The following RIMKLB variants were observed in gnomAD, a reference collection of about 807,000 sequenced individuals.
RIMKLB encodes the protein ribosomal modification protein rimK like family member B.
Under a neutral mutation model 32.0 loss-of-function variants are expected in RIMKLB, and 7 were observed. The observed-to-expected ratio is 0.22, with a 90% CI of 0.12 to 0.41. The LOEUF (loss-of-function observed/expected upper bound fraction) is 0.41. Ranked by LOEUF, RIMKLB falls within the 10% of genes least tolerant of loss-of-function variation. The pLI is 1.00. For missense variants in RIMKLB, 289 were observed against 498.7 expected, an observed-to-expected ratio of 0.58 and a Z score of 4.00; for synonymous variants, 172 against 185.1, an observed-to-expected ratio of 0.93 and a Z score of 0.57.
upstream of RIMKLB, among the ~76,000 whole-genome samples, chr12:8,694,712 G>A (rs1370106861): frequency 6.6e-6 from 1 of 152,176 alleles, no homozygotes; most frequent in African/African-American, 2.4e-5. Context: ...TGATTCTCAT[G>A]TGTCTAGGAA....
chr12:8,745,313 T>C (rs1403183928), intron 2 of RIMKLB, among the ~76,000 whole-genome samples: 1 of 151,736 alleles, frequency 6.6e-6, no homozygotes, highest in African/African-American at 2.4e-5. Flanking sequence ...CTGGCTCTTA[T>C]TGAGGTCCTA....
chr12:8,782,907 C>CCTAGGTTCTTTT (rs1951184468), intron 7 of RIMKLB: 1 of 152,060 alleles, frequency 6.6e-6, no homozygotes, highest in South Asian at 2.1e-4. Context: ...GTTTTTCCCC[C>CCTAGGTTCTTTT]CTAGGTTCTT....
intron 2 of RIMKLB, among the ~76,000 whole-genome samples, chr12:8,740,547 C>T (rs1193022103): frequency 1.3e-5 from 2 of 152,218 alleles, no homozygotes; most frequent in African/African-American, 4.8e-5. Flanking sequence ...TATGCCTTTG[C>T]GTCCTCATAG....
In RIMKLB at chr12:8,698,207, C is replaced by T. The variant is rs986142960; in HGVS notation, c.-147C>T. Reference sequence around the variant, plus strand: ...GACCCCCTCCCCCTCCTCTCCTTCCCCCACTTCCAGCCGCCCGGCGGCCCG... The same window carrying T: ...GACCCCCTCCCCCTCCTCTCCTTCCTCCACTTCCAGCCGCCCGGCGGCCCG... On this transcript the variant is annotated 5_prime_UTR_variant, in exon 1 of 6. Transcript: ENST00000535829. The T allele has an allele frequency of 8.1e-6, 3 of 370,794 alleles. No individual in the cohort carries two copies. Among genetic ancestry groups the T allele is most frequent in the Non-Finnish European group, 1.6e-5 (3 of 182,386 alleles). The allele number at this position is 370,794 out of a possible 1,614,324, so 23.0% of individuals were successfully genotyped here.
At chr12:8,670,267 T>C in the RIMKLB span, among the ~76,000 whole-genome samples, 1 of 152,112 alleles carries the variant, frequency 6.6e-6, no homozygotes, top group African/African-American at 2.4e-5. Context: ...AACCCCAAAG[T>C]CCATAGTCCA....
In RIMKLB at chr12:8,770,345, T is replaced by C. The variant is rs1036402988; in HGVS notation, c.698-2976T>C. Reference sequence around the variant, plus strand: ...CATTGACCTTATATTCCAGTTTTGCTGAAATCATCTAATAGTTTTAGTTCA... The same window carrying C: ...CATTGACCTTATATTCCAGTTTTGCCGAAATCATCTAATAGTTTTAGTTCA... On this transcript the variant is annotated intron_variant, in intron 5 of 5. Coordinates refer to ENST00000535829, the MANE Select transcript of RIMKLB (RefSeq NM_001297776.2). Among the ~76,000 whole-genome samples the C allele has an allele frequency of 5.3e-5, 8 of 152,238 alleles. No homozygotes were observed. The South Asian group carries it at 6.2e-4, about 12-fold the overall frequency.
chr12:8,758,744 C>T (rs916774379), intron 5 of RIMKLB, among the ~76,000 whole-genome samples: 39 of 151,982 alleles, frequency 2.6e-4, no homozygotes, highest in Admixed American at 2.6e-3. Flanking sequence ...TTTCTTTTTT[C>T]GAAATGAATA....
At chr12:8,755,098 C>T (rs1424931732) in intron 5 of RIMKLB, among the ~76,000 whole-genome samples, 16 of 152,080 alleles carry the variant, frequency 1.1e-4, no homozygotes, top group Admixed American at 9.2e-4. Context: ...ACTACAGGCA[C>T]CTGCTACCAT....
chr12:8,775,135 G>A lies in RIMKLB; in HGVS notation c.*1351G>A, dbSNP rs1165442189. 2.0e-6 allele frequency: 2 copies of A among 985,486 alleles called. No homozygotes were observed. The highest frequency in any genetic ancestry group is 1.1e-4 in the East Asian group (1 of 8,826). 61.0% of individuals were successfully genotyped at this position (985,486 alleles called of 1,614,324 possible). A position where few individuals can be genotyped will look rare whatever the true frequency, so the allele number is the denominator to read the frequency against. On this transcript the variant is annotated 3_prime_UTR_variant, in exon 6 of 6. Coordinates refer to ENST00000535829, the MANE Select transcript of RIMKLB (RefSeq NM_001297776.2). ...TTTCCTTTTGTTTCTAGCCTGTTCA[G>A]TGTACAGTTTATTCAAGGCTACATG... is the stretch of plus-strand genomic sequence containing the variant.
chr12:8,690,011 A>G (rs996451325), intron 1 of RIMKLB, among the ~76,000 whole-genome samples: 3 of 152,024 alleles, frequency 2.0e-5, no homozygotes, highest in Non-Finnish European at 2.9e-5. Flanking sequence ...TGCCCACTCT[A>G]TTAGGCAATA....
chr12:8,741,171 A>G (rs1947479708), intron 2 of RIMKLB, among the ~76,000 whole-genome samples: 1 of 152,030 alleles, frequency 6.6e-6, no homozygotes, highest in African/African-American at 2.4e-5. Flanking sequence ...GAGCCACTGC[A>G]CTCCAGCCTG....
intron 1 of RIMKLB, among the ~76,000 whole-genome samples, chr12:8,701,153 T>G (rs1943359462): frequency 6.6e-6 from 1 of 152,214 alleles, no homozygotes; most frequent in African/African-American, 2.4e-5. Context: ...TTTTTAAATG[T>G]TAGCTGTGCT....
intron 5 of RIMKLB, among the ~76,000 whole-genome samples, chr12:8,766,034 G>A (rs1174079039): frequency 1.3e-5 from 2 of 151,960 alleles, no homozygotes; most frequent in Non-Finnish European, 2.9e-5. Context: ...CTTTCTTAGC[G>A]TTTGAGGGTC....
At chr12:8,711,170 G>C (rs773243320) in intron 1 of RIMKLB, among the ~76,000 whole-genome samples, 10 of 151,804 alleles carry the variant, frequency 6.6e-5, no homozygotes, top group Non-Finnish European at 1.5e-4. Context: ...GGAGACAGAA[G>C]TTGCAGTGAG....
chr12:8,699,612 G>T (rs74059963), intron 1 of RIMKLB, among the ~76,000 whole-genome samples: 5,740 of 152,076 alleles, frequency 0.038, 331 homozygotes, highest in African/African-American at 0.12. Context: ...AGGGGAGGAG[G>T]CCTATTTTGT....
chr12:8,776,442 A>G lies in RIMKLB; in HGVS notation c.*2658A>G. 2.3e-6 allele frequency: 2 copies of G among 869,404 alleles called. No homozygotes were observed. Among genetic ancestry groups the G allele is most frequent in the South Asian group, 5.3e-5 (1 of 18,812 alleles). 53.9% of individuals were successfully genotyped at this position (869,404 alleles called of 1,614,324 possible). On this transcript the variant is annotated 3_prime_UTR_variant, in exon 6 of 6. Transcript: ENST00000535829. ...TTAAACTTATTTTCATAATTGTTTAATAACTTTTGTATAATCTTCATTGCT... is the reference window on the plus strand; with the variant it reads ...TTAAACTTATTTTCATAATTGTTTAGTAACTTTTGTATAATCTTCATTGCT...
intron 2 of RIMKLB, among the ~76,000 whole-genome samples, chr12:8,739,822 T>C (rs903975218): frequency 2.6e-5 from 4 of 152,202 alleles, no homozygotes; most frequent in African/African-American, 4.8e-5. Flanking sequence ...GAGCTCTACC[T>C]CCTTGTGTCA....
Position 8,777,177 on chromosome 12 carries a change from G to A in RIMKLB, c.*3393G>A. 8 of 963,594 alleles carry A rather than the reference G, an allele frequency of 8.3e-6. No homozygotes were observed. The highest frequency in any genetic ancestry group is 9.8e-6 in the Non-Finnish European group (8 of 814,126). The allele number at this position is 963,594 out of a possible 1,614,324, so 59.7% of individuals were successfully genotyped here. ...ATTTTAAAAAATGTAATATATTGCA[G>A]GATTTATAACCAGGTTCACTGACTG... On this transcript the variant is annotated 3_prime_UTR_variant, in exon 6 of 6. Transcript: ENST00000535829.
chr12:8,691,179 G>A lies in RIMKLB; in HGVS notation n.219+9361G>A, dbSNP rs746595357. Among the ~76,000 whole-genome samples, 4 of 152,250 alleles carry A rather than the reference G, an allele frequency of 2.6e-5. No homozygotes were observed. In the South Asian group the frequency reaches 6.2e-4, roughly 24 times the overall value. On this transcript the variant is annotated intron_variant and non_coding_transcript_variant, in intron 1 of 1. Transcript: ENST00000538758. Reference sequence around the variant, plus strand: ...ACGAAAGATGGGAACCTGTATGAGTGCAGTAGCATGATCATGGTTCACTGC... The same window carrying A: ...ACGAAAGATGGGAACCTGTATGAGTACAGTAGCATGATCATGGTTCACTGC...
Sources: allele counts gnomAD v4.1 joint callset (sites outside exome capture counted in the v4.1 genomes callset), GRCh38; gene constraint gnomAD v4.1.1; transcripts MANE v1.5; gene names NCBI Gene and HGNC (gene_info 2026-07-23, HGNC 2026-07-21).